Variants in EFCAB8 observed in about 807,000 individuals in gnomAD.
EFCAB8 encodes EF-hand calcium-binding domain-containing protein 8.
A neutral mutation model predicts 116.3 loss-of-function variants in EFCAB8; 100 were observed. That is an observed-to-expected ratio of 0.86 (90% CI 0.73 to 1.02). The LOEUF is 1.02. Among genes scored for constraint, EFCAB8 ranks in the 50% least tolerant of loss-of-function variants. EFCAB8 has a pLI of 0.00. For synonymous variants in EFCAB8, 558 were observed against 567.9 expected, an observed-to-expected ratio of 0.98 and a Z score of 0.25; for missense variants, 1,320 against 1,416.9, an observed-to-expected ratio of 0.93 and a Z score of 1.10.
In EFCAB8 at chr20:32,889,569, G is replaced by A. The variant is rs114299583; in HGVS notation, c.673+163G>A. 4.0e-3 allele frequency among the ~76,000 whole-genome samples: 616 copies of A among 152,180 alleles called. 5 individuals are homozygous for A. The highest frequency in any genetic ancestry group is 0.014 in the African/African-American group (596 of 41,502). ...AGTGCCAAGTAGGCAGGGGGTGGTC[G>A]GTGAATGCTCGAATGAATACAGTGA... On this transcript the variant is annotated intron_variant, in intron 7 of 26. Transcript: ENST00000400522.
chr20:32,879,815 CT>C (rs1475836380), intron 5 of EFCAB8, among the ~76,000 whole-genome samples: 1 of 152,208 alleles, frequency 6.6e-6, no homozygotes, highest in Non-Finnish European at 1.5e-5. Context: ...GAACATACTG[CT>C]TCTCAAATTC....
At chr20:32,957,781 C>T (rs145401939) in intron 23 of EFCAB8, among the ~76,000 whole-genome samples, 13 of 151,342 alleles carry the variant, frequency 8.6e-5, no homozygotes, top group Middle Eastern at 6.8e-3. Flanking sequence ...GGAGTGCCCC[C>T]GAGACAAGAA....
At chr20:32,887,072 CCTGGGGAGCCCGAGAGCG>C (rs1985669940) in intron 6 of EFCAB8, among the ~76,000 whole-genome samples, 1 of 152,110 alleles carries the variant, frequency 6.6e-6, no homozygotes, top group African/African-American at 2.4e-5. Context: ...GCCAGAACCA[CCTGGGGAGCCCGAGAGCG>C]CAGTCCTCTG....
At chr20:32,874,398 A>G (rs36036005) in intron 3 of EFCAB8, among the ~76,000 whole-genome samples, 4,326 of 151,434 alleles carry the variant, frequency 0.029, 93 homozygotes, top group Non-Finnish European at 0.043. Context: ...AATTTAAAAA[A>G]TTTTTTTTGT....
chr20:32,957,885 A>AT (rs936314622), intron 23 of EFCAB8, among the ~76,000 whole-genome samples: 106 of 145,468 alleles, frequency 7.3e-4, no homozygotes, highest in African/African-American at 2.0e-3. Context: ...CTTTCCAGTG[A>AT]TTTTTTTTTT....
chr20:32,878,876 A>C (rs1985156722), intron 5 of EFCAB8, 69 bp downstream of exon 5: 6 of 1,336,190 alleles, frequency 4.5e-6, no homozygotes, highest in Non-Finnish European at 6.3e-6. Flanking sequence ...GCCTGCAGTG[A>C]GCCCCTCCCT....
intron 20 of EFCAB8, among the ~76,000 whole-genome samples, chr20:32,925,460 C>G (rs896105078): frequency 6.6e-6 from 1 of 152,206 alleles, no homozygotes; most frequent in African/African-American, 2.4e-5. Flanking sequence ...CTTAAGTGAT[C>G]CTCTTGCCTC....
At chr20:32,895,633 G>A (rs571282125) in intron 9 of EFCAB8, among the ~76,000 whole-genome samples, 214 of 148,292 alleles carry the variant, frequency 1.4e-3, no homozygotes, top group African/African-American at 5.1e-3. Context: ...GTGCAATGGT[G>A]CGATCTTGGC....
At position 32,958,208 on chromosome 20, in the gene EFCAB8, G is replaced by T. The variant is rs536116289; in HGVS notation, c.2960-213G>T. ...GCAGGATGCTTTAGGCCTGAGCTCC[G>T]AGTGTGTCCTAGGGCTTCTGTCTGG... On this transcript the variant is annotated intron_variant, in intron 23 of 26. Transcript: ENST00000400522. Among the ~76,000 whole-genome samples the T allele has an allele frequency of 6.3e-3, 960 of 152,282 alleles. 3 individuals are homozygous for T. Among genetic ancestry groups the T allele is most frequent in the Non-Finnish European group, 0.011 (744 of 68,030 alleles).
chr20:32,947,793 A>G (rs1361377436), intron 23 of EFCAB8, among the ~76,000 whole-genome samples: 1 of 152,030 alleles, frequency 6.6e-6, no homozygotes, highest in Non-Finnish European at 1.5e-5. Flanking sequence ...TTAAGAAACT[A>G]GAAAGAGGTC....
At position 32,931,246 on chromosome 20, in the gene EFCAB8, T is replaced by A. The variant is rs1987897105; in HGVS notation, c.2700T>A (p.Val900=). The A allele has an allele frequency of 1.9e-6, 3 of 1,551,412 alleles. No individual in the cohort carries two copies. Among genetic ancestry groups the A allele is most frequent in the South Asian group, 2.4e-5 (2 of 84,040 alleles). Reference sequence around the variant, plus strand: ...CATTCCAATCCAGTGGGGCCAAGGTTGTCTCTGAAGCACACAACAAGTTCC... The same window carrying A: ...CATTCCAATCCAGTGGGGCCAAGGTAGTCTCTGAAGCACACAACAAGTTCC... The part of the protein sequence containing the change: ...KQPFQSSGAK[V]VSEAHNKFRL... Residue 900 remains valine, a synonymous_variant, in exon 22 of 27, where the codon GTT becomes GTA. Coordinates refer to ENST00000400522, the MANE Select transcript of EFCAB8 (RefSeq NM_001143967.2).
chr20:32,951,330 C>T (rs971937058), intron 23 of EFCAB8, among the ~76,000 whole-genome samples: 1 of 152,200 alleles, frequency 6.6e-6, no homozygotes, highest in Non-Finnish European at 1.5e-5. Flanking sequence ...TGGAATATCA[C>T]TCAGCAATAA....
At chr20:32,948,580 G>GAAAGAAAGAA (rs1036701315) in intron 23 of EFCAB8, among the ~76,000 whole-genome samples, 6 of 135,534 alleles carry the variant, frequency 4.4e-5, no homozygotes, top group African/African-American at 1.1e-4. Context: ...AAGAAAGAAA[G>GAAAGAAAGAA]AAAAGAAAGG....
At chr20:32,945,961 T>C (rs1212570814) in intron 23 of EFCAB8, among the ~76,000 whole-genome samples, 1 of 152,224 alleles carries the variant, frequency 6.6e-6, no homozygotes, top group African/African-American at 2.4e-5. Context: ...CTCTAGAATA[T>C]GCTGGGTCCT....
chr20:32,874,801 C>T (rs929126737), intron 3 of EFCAB8, among the ~76,000 whole-genome samples: 3 of 152,136 alleles, frequency 2.0e-5, no homozygotes, highest in African/African-American at 2.4e-5. Context: ...GGCTGGAGTG[C>T]GTTGGTGTGA....
At chr20:32,941,204 A>G (rs1476411811) in intron 22 of EFCAB8, among the ~76,000 whole-genome samples, 1 of 148,984 alleles carries the variant, frequency 6.7e-6, no homozygotes. Flanking sequence ...GTGAGCAGAG[A>G]TCATGCCATT....
At chr20:32,876,909 A>G (rs1985003911) in intron 4 of EFCAB8, among the ~76,000 whole-genome samples, 1 of 152,180 alleles carries the variant, frequency 6.6e-6, no homozygotes, top group Non-Finnish European at 1.5e-5. Flanking sequence ...TTGAGGCTGC[A>G]GTGAGCTGAG....
rs570220362 is a variant in EFCAB8 at position 32,936,032 on chromosome 20, T to G, written c.2790+4696T>G. ...TGCTTTTATTTATTTTTATTTTTAT[T>G]TTTATTTTTTATTTTTTTGAAACGG... On this transcript the variant is annotated intron_variant, in intron 22 of 26. Coordinates refer to ENST00000400522, the MANE Select transcript of EFCAB8 (RefSeq NM_001143967.2). 1.8e-3 allele frequency among the ~76,000 whole-genome samples: 275 copies of G among 152,044 alleles called. 1 individual carries two copies. The highest frequency in any genetic ancestry group is 6.5e-3 in the African/African-American group (269 of 41,512).
At chr20:32,932,311 A>G (rs1338748886) in intron 22 of EFCAB8, among the ~76,000 whole-genome samples, 1 of 151,940 alleles carries the variant, frequency 6.6e-6, no homozygotes, top group African/African-American at 2.4e-5. Flanking sequence ...CGGGAGGTGG[A>G]GGTTGCAGTG....
Sources: allele counts gnomAD v4.1 joint callset (sites outside exome capture counted in the v4.1 genomes callset), GRCh38; gene constraint gnomAD v4.1.1; transcripts MANE v1.5; gene names NCBI Gene and HGNC (gene_info 2026-07-23, HGNC 2026-07-21).